PRKG1: variants seen among roughly 807,000 people sequenced by gnomAD.
PRKG1 encodes cGMP-dependent protein kinase 1.
PRKG1 carries 35 observed loss-of-function variants against 88.1 expected under a neutral mutation model. The ratio of observed to expected loss-of-function variants is 0.40; its 90% CI spans 0.30 to 0.53. PRKG1 has a LOEUF of 0.53. Ranked by LOEUF, PRKG1 falls within the 20% of genes least tolerant of loss-of-function variation. PRKG1 has a pLI of 0.59. For missense variants in PRKG1, 540 were observed against 839.8 expected (o/e 0.64, Z 4.41); for synonymous variants, 303 against 292.5 (o/e 1.04, Z -0.37).
In PRKG1 at chr10:51,973,847, T is replaced by C. The variant is rs73339254; in HGVS notation, c.762+66277T>C. ...TTAGGGGTTGGCAAAATGTAACTCA[T>C]GGATCAAATACATCATGCTGCCTGG... On this transcript the variant is annotated intron_variant, in intron 5 of 17. Coordinates refer to ENST00000373980, the MANE Select transcript of PRKG1 (RefSeq NM_006258.4). Among the ~76,000 whole-genome samples, 672 of 152,204 alleles carry C rather than the reference T, an allele frequency of 4.4e-3. 3 individuals carry two copies. Among genetic ancestry groups the C allele is most frequent in the African/African-American group, 0.016 (655 of 41,548 alleles).
intron 3 of PRKG1, among the ~76,000 whole-genome samples, chr10:51,574,876 A>G (rs1180130139): frequency 2.6e-5 from 4 of 151,962 alleles, no homozygotes; most frequent in South Asian, 2.1e-4. Context: ...ATGTGTGTCT[A>G]TATTTGGGTA....
chr10:52,267,111 A>G (rs1841593307), intron 10 of PRKG1, among the ~76,000 whole-genome samples: 1 of 152,098 alleles, frequency 6.6e-6, no homozygotes, highest in South Asian at 2.1e-4. Flanking sequence ...TAATTAATTT[A>G]GACAACAGGA....
chr10:51,569,991 G>C (rs1481371606), intron 3 of PRKG1, among the ~76,000 whole-genome samples: 1 of 148,686 alleles, frequency 6.7e-6, no homozygotes, highest in African/African-American at 2.5e-5. Flanking sequence ...GATTAATTTA[G>C]ATCTGACGAT....
chr10:51,113,468 CT>C (rs1845026552), intron 1 of PRKG1, among the ~76,000 whole-genome samples: 1 of 152,152 alleles, frequency 6.6e-6, no homozygotes, highest in Admixed American at 6.5e-5. Flanking sequence ...CTTCCCACTT[CT>C]TTGTTACTCC....
rs1163254908 is a variant in PRKG1, at chr10:52,124,624, T to C, written c.936-9216T>C. 2.6e-5 allele frequency among the ~76,000 whole-genome samples: 4 copies of C among 151,874 alleles called. No individual in the cohort carries two copies. The East Asian group carries it at 7.9e-4, about 30-fold the overall frequency. On this transcript the variant is annotated intron_variant, in intron 7 of 17. Transcript: ENST00000373980. The stretch of plus-strand genomic sequence containing the variant: ...TTAGTCTACACCAAATTTATAAGAA[T>C]AGTTTTCTTTCTTCAATAATAAATT...
chr10:51,079,797 A>G (rs77137310), intron 1 of PRKG1, among the ~76,000 whole-genome samples: 1 of 152,260 alleles, frequency 6.6e-6, no homozygotes, highest in East Asian at 1.9e-4. Flanking sequence ...CAGTCCTGTT[A>G]ATAGTCGTAA....
chr10:51,454,610 C>T (rs1337915229), intron 2 of PRKG1, among the ~76,000 whole-genome samples: 1 of 152,078 alleles, frequency 6.6e-6, no homozygotes, highest in Non-Finnish European at 1.5e-5. Context: ...CTGGGGAGGC[C>T]TCATAATCAT....
intron 3 of PRKG1, among the ~76,000 whole-genome samples, chr10:51,710,253 A>T (rs574269944): frequency 6.6e-6 from 1 of 152,356 alleles, no homozygotes; most frequent in East Asian, 1.9e-4. Flanking sequence ...ATTTGAGCAG[A>T]CAGCTTCCAA....
At chr10:52,159,251 G>T (rs1253859421) in intron 8 of PRKG1, among the ~76,000 whole-genome samples, 1 of 151,254 alleles carries the variant, frequency 6.6e-6, no homozygotes, top group Non-Finnish European at 1.5e-5. Flanking sequence ...TCTTTTGTAG[G>T]TACATATTAT....
chr10:51,115,622 G>C (rs540678985), intron 1 of PRKG1, among the ~76,000 whole-genome samples: 2 of 151,268 alleles, frequency 1.3e-5, no homozygotes, highest in African/African-American at 4.8e-5. Context: ...GGAGGATCAC[G>C]AGGTCAAGAG....
intron 2 of PRKG1, among the ~76,000 whole-genome samples, chr10:51,385,579 C>A (rs1308473648): frequency 6.6e-6 from 1 of 152,036 alleles, no homozygotes. Context: ...TCATTCTAAG[C>A]CCTCATCATC....
chr10:51,169,973 G>T (rs1846657370), intron 2 of PRKG1, among the ~76,000 whole-genome samples: 1 of 151,678 alleles, frequency 6.6e-6, no homozygotes, highest in Non-Finnish European at 1.5e-5. Context: ...ATTTTCCTCT[G>T]CTTGGCATAC....
intron 2 of PRKG1, among the ~76,000 whole-genome samples, chr10:51,216,097 T>C (rs1311375130): frequency 6.6e-6 from 1 of 152,206 alleles, no homozygotes; most frequent in Non-Finnish European, 1.5e-5. Context: ...TTGCAGGACT[T>C]GGTATAGGAC....
At chr10:51,359,409 A>C (rs1842432076) in intron 2 of PRKG1, among the ~76,000 whole-genome samples, 1 of 151,690 alleles carries the variant, frequency 6.6e-6, no homozygotes, top group Non-Finnish European at 1.5e-5. Flanking sequence ...CTCAGAGGCC[A>C]TGTAGCCAGC....
chr10:52,175,353 A>G (rs1397097870), intron 9 of PRKG1, among the ~76,000 whole-genome samples: 1 of 152,090 alleles, frequency 6.6e-6, no homozygotes, highest in African/African-American at 2.4e-5. Flanking sequence ...TATTTTGTAT[A>G]TATACCACAT....
chr10:51,407,481 T>A (rs975099736), intron 2 of PRKG1, among the ~76,000 whole-genome samples: 3 of 152,198 alleles, frequency 2.0e-5, no homozygotes, highest in African/African-American at 7.2e-5. Flanking sequence ...CTTGGTACAA[T>A]TATATACATG....
At chr10:52,289,155 G>A (rs902731210) in intron 16 of PRKG1, among the ~76,000 whole-genome samples, 162 bp downstream of exon 16, 2 of 152,034 alleles carry the variant, frequency 1.3e-5, no homozygotes, top group African/African-American at 4.8e-5. Context: ...TTGTGATTAT[G>A]AAACCTTATT....
intron 7 of PRKG1, among the ~76,000 whole-genome samples, chr10:52,072,854 G>T (rs906874582): frequency 6.6e-6 from 1 of 152,020 alleles, no homozygotes; most frequent in Non-Finnish European, 1.5e-5. Flanking sequence ...CCAGTCTTCC[G>T]CACTTTTTAT....
In PRKG1 at chr10:52,295,987, T is replaced by A. The variant is rs530883169; in HGVS notation, c.*2087T>A. The A allele has an allele frequency of 6.6e-5, 10 of 152,130 alleles. No individual in the cohort carries two copies. In the South Asian group the frequency reaches 2.1e-3, roughly 32 times the overall value. The allele number at this position is 152,130 out of a possible 1,614,324, so 9.4% of individuals were successfully genotyped here. A position where few individuals can be genotyped will look rare whatever the true frequency, so the allele number is the denominator to read the frequency against. On this transcript the variant is annotated 3_prime_UTR_variant, in exon 18 of 18. Transcript: ENST00000373980. ...AGATTTTAGAATATAAAATTAAACA[T>A]ATCAACCTAAAATCTAGCTATGAAT... is the stretch of plus-strand genomic sequence containing the variant.
Sources: gnomAD v4.1 joint callset for allele counts (sites outside exome capture counted in the v4.1 genomes callset) on GRCh38, gnomAD v4.1.1 for gene constraint, MANE v1.5 for transcripts, NCBI Gene and HGNC (gene_info 2026-07-23, HGNC 2026-07-21) for gene names.